The following UNC5D variants were observed in gnomAD, a reference collection of about 807,000 sequenced individuals.
UNC5D encodes unc-5 netrin receptor D.
In UNC5D, 39 loss-of-function variants were observed where a neutral mutation model predicts 105.4. That is an observed-to-expected ratio of 0.37 (90% CI 0.29 to 0.48). UNC5D has a LOEUF of 0.48. UNC5D is among the 20% of genes least tolerant of loss of function. The pLI, the probability that UNC5D is intolerant of heterozygous loss-of-function variation, is 0.98. For synonymous variants in UNC5D, 452 were observed against 450.4 expected (o/e 1.00, Z -0.04); for missense variants, 991 against 1,202.4 (o/e 0.82, Z 2.60).
chr8:35,501,726 A>G (rs1409493471), intron 1 of UNC5D, among the ~76,000 whole-genome samples: 1 of 152,212 alleles, frequency 6.6e-6, no homozygotes, highest in Non-Finnish European at 1.5e-5. Flanking sequence ...CACTCTTACC[A>G]TCATTAGAAT....
intron 1 of UNC5D, among the ~76,000 whole-genome samples, chr8:35,250,201 C>G (rs577411671): frequency 1.3e-5 from 2 of 152,012 alleles, no homozygotes; most frequent in Non-Finnish European, 2.9e-5. Context: ...CAGCTGATGC[C>G]AAGGCATTGA....
At position 35,791,671 on chromosome 8, in the gene UNC5D, C is replaced by T. The variant is rs915558480; in HGVS notation, c.*1108C>T. 1 of 152,134 alleles carries T rather than the reference C, an allele frequency of 6.6e-6. No individual in the cohort carries two copies. Among genetic ancestry groups the T allele is most frequent in the Non-Finnish European group, 1.5e-5 (1 of 68,018 alleles). 9.4% of individuals were successfully genotyped at this position (152,134 alleles called of 1,614,324 possible). Reference sequence around the variant, plus strand: ...TTGGGAAATTAGCAGATAGTCTTTGCTCTAAATGATATCTGAGTAAATAGA... The same window carrying T: ...TTGGGAAATTAGCAGATAGTCTTTGTTCTAAATGATATCTGAGTAAATAGA... On this transcript the variant is annotated 3_prime_UTR_variant, in exon 17 of 17. Coordinates refer to ENST00000404895, the MANE Select transcript of UNC5D (RefSeq NM_080872.4).
intron 4 of UNC5D, among the ~76,000 whole-genome samples, chr8:35,614,204 A>T (rs1255179793): frequency 1.3e-5 from 2 of 152,142 alleles, no homozygotes; most frequent in African/African-American, 4.8e-5. Flanking sequence ...TGAAAGGTTC[A>T]TTTGTTTCAA....
At position 35,716,690 on chromosome 8, in the gene UNC5D, A is replaced by G. The variant is rs539847875; in HGVS notation, c.1118-5520A>G. Among the ~76,000 whole-genome samples, 6 of 152,358 alleles carry G rather than the reference A, an allele frequency of 3.9e-5. No individual in the cohort carries two copies. The East Asian group carries it at 7.7e-4, about 20-fold the overall frequency. ...TAATTACAACAGTAAAACAATAACT[A>G]CAATAGCAAATTGAGATTTTCGAGG... is the stretch of plus-strand genomic sequence containing the variant. On this transcript the variant is annotated intron_variant, in intron 8 of 16. Coordinates refer to ENST00000404895, the MANE Select transcript of UNC5D (RefSeq NM_080872.4).
At chr8:35,252,906 G>A (rs1304620024) in intron 1 of UNC5D, among the ~76,000 whole-genome samples, 1 of 151,996 alleles carries the variant, frequency 6.6e-6, no homozygotes, top group African/African-American at 2.4e-5. Flanking sequence ...GTGATTTCCA[G>A]TCATTTACTG....
intron 1 of UNC5D, among the ~76,000 whole-genome samples, chr8:35,502,722 C>A (rs1563478924): frequency 1.4e-5 from 2 of 144,912 alleles, no homozygotes; most frequent in African/African-American, 2.7e-5. Context: ...CCATGCCCGG[C>A]TAATTTTTTT....
In UNC5D at chr8:35,527,584, C is replaced by T. The variant is rs928466134; in HGVS notation, c.104-21708C>T. 3.9e-5 allele frequency among the ~76,000 whole-genome samples: 6 copies of T among 152,100 alleles called. No homozygotes were observed. The South Asian group carries it at 6.2e-4, about 16-fold the overall frequency. On this transcript the variant is annotated intron_variant, in intron 1 of 16. Transcript: ENST00000404895. ...TTCTTTTTGACTCTCACTCTGTCAC[C>T]CAGGCTGGAGTGCAGTGGCATGATC...
chr8:35,675,955 T>G (rs1181663111), intron 4 of UNC5D, among the ~76,000 whole-genome samples: 3 of 151,940 alleles, frequency 2.0e-5, no homozygotes, highest in East Asian at 3.9e-4. Context: ...AGTGACATAT[T>G]ATGACACATG....
intron 4 of UNC5D, among the ~76,000 whole-genome samples, chr8:35,612,912 ATCT>A (rs1820786123): frequency 1.3e-5 from 2 of 151,984 alleles, no homozygotes; most frequent in South Asian, 2.1e-4. Context: ...GCCTTTTCTA[ATCT>A]TCTTTGCAGT....
intron 8 of UNC5D, among the ~76,000 whole-genome samples, chr8:35,706,745 T>C (rs1180810955): frequency 6.6e-6 from 1 of 152,096 alleles, no homozygotes; most frequent in African/African-American, 2.4e-5. Flanking sequence ...TCTCAAAAGG[T>C]GGATCAGAAT....
At chr8:35,352,093 A>G (rs1240300799) in intron 1 of UNC5D, among the ~76,000 whole-genome samples, 1 of 152,150 alleles carries the variant, frequency 6.6e-6, no homozygotes, top group Non-Finnish European at 1.5e-5. Context: ...TTTGGTATTT[A>G]CGAAAATTAA....
intron 1 of UNC5D, among the ~76,000 whole-genome samples, chr8:35,481,902 A>G (rs1810507144): frequency 6.6e-6 from 1 of 152,170 alleles, no homozygotes; most frequent in African/African-American, 2.4e-5. Context: ...TCTGCTTTTC[A>G]AGATCACTAA....
intron 1 of UNC5D, among the ~76,000 whole-genome samples, chr8:35,287,187 G>A (rs1427482796): frequency 6.6e-6 from 1 of 152,104 alleles, no homozygotes; most frequent in Non-Finnish European, 1.5e-5. Flanking sequence ...CTCCTCAAAT[G>A]CACAGGCATA....
intron 1 of UNC5D, among the ~76,000 whole-genome samples, chr8:35,252,082 C>T (rs994814930): frequency 2.9e-5 from 4 of 136,364 alleles, no homozygotes; most frequent in Non-Finnish European, 6.0e-5. Context: ...AGTGCAGTGG[C>T]GCGATCCCGA....
intron 1 of UNC5D, among the ~76,000 whole-genome samples, chr8:35,296,763 C>G (rs781426694): frequency 1.3e-5 from 2 of 152,096 alleles, no homozygotes; most frequent in Non-Finnish European, 2.9e-5. Flanking sequence ...ATTCATGTAT[C>G]TTCTTTGAAT....
At chr8:35,406,647 A>G (rs1295403895) in intron 1 of UNC5D, among the ~76,000 whole-genome samples, 1 of 152,136 alleles carries the variant, frequency 6.6e-6, no homozygotes, top group African/African-American at 2.4e-5. Flanking sequence ...AGGGAGGGAA[A>G]ATAAACAGGA....
At chr8:35,338,710 T>C (rs1811234667) in intron 1 of UNC5D, among the ~76,000 whole-genome samples, 1 of 152,158 alleles carries the variant, frequency 6.6e-6, no homozygotes, top group Non-Finnish European at 1.5e-5. Context: ...ACATTCCAGT[T>C]TGCTCACAGC....
chr8:35,700,011 A>T (rs1827078169), intron 7 of UNC5D, among the ~76,000 whole-genome samples: 1 of 152,190 alleles, frequency 6.6e-6, no homozygotes, highest in African/African-American at 2.4e-5. Context: ...CACTCGGAGG[A>T]GAACAGAATC....
At chr8:35,748,861 C>T (rs1027161418) in intron 12 of UNC5D, among the ~76,000 whole-genome samples, 166 bp downstream of exon 12, 7 of 151,792 alleles carry the variant, frequency 4.6e-5, no homozygotes, top group Non-Finnish European at 1.0e-4. Context: ...GTTTTTCTTC[C>T]CCCCCCATTA....
Sources: allele counts gnomAD v4.1 joint callset (sites outside exome capture counted in the v4.1 genomes callset), GRCh38; gene constraint gnomAD v4.1.1; transcripts MANE v1.5; gene names NCBI Gene and HGNC (gene_info 2026-07-23, HGNC 2026-07-21).